MAX: variants seen among roughly 807,000 people sequenced by gnomAD.
MAX encodes protein max.
MAX carries 3 observed loss-of-function variants against 22.3 expected under a neutral mutation model. The ratio of observed to expected loss-of-function variants is 0.13; its 90% CI spans 0.06 to 0.35. The LOEUF is 0.35. MAX is among the 10% of genes least tolerant of loss of function. The probability of loss-of-function intolerance (pLI) is 1.00; values close to 1 mark genes in which losing one functional copy is unlikely to be tolerated. For synonymous variants in MAX, 72 were observed against 77.7 expected (o/e 0.93, Z 0.39); for missense variants, 119 against 209.4 (o/e 0.57, Z 2.66).
At position 65,031,756 on chromosome 14, in the gene MAX, A is replaced by T; in HGVS notation, c.172-25472T>A. Among the ~76,000 whole-genome samples, 1 of 152,140 alleles carries T rather than the reference A, an allele frequency of 6.6e-6. No individual in the cohort carries two copies. The highest frequency in any genetic ancestry group is 2.4e-5 in the African/African-American group (1 of 41,464). The stretch of plus-strand genomic sequence containing the variant: ...GCCAACATGGCGAAACCCCATCTCC[A>T]CTAAAAATAGAAAAATAAGCCAGGC... On this transcript the variant is annotated intron_variant, in intron 3 of 3. Transcript: ENST00000341653. This position sits in a 1 kb window ranked among gnomAD's most constrained non-coding sequence, Gnocchi z 4.6.
chr14:65,093,681 G>T lies in MAX; in HGVS notation c.171+27C>A. On this transcript the variant is annotated intron_variant, in intron 3 of 4. Transcript: ENST00000358664. This position sits in a 1 kb window ranked among gnomAD's most constrained non-coding sequence, Gnocchi z 4.4. Reference sequence around the variant, plus strand: ...ACAAGTTCCAAGCTAGTAGTGGCCAGCTACTCAGCTTTCTCAGGAAACTCA... The same window carrying T: ...ACAAGTTCCAAGCTAGTAGTGGCCATCTACTCAGCTTTCTCAGGAAACTCA... The T allele has an allele frequency of 1.6e-6, 2 of 1,229,314 alleles. No individual in the cohort carries two copies. Among genetic ancestry groups the T allele is most frequent in the Non-Finnish European group, 1.2e-6 (1 of 828,258 alleles). 76.2% of individuals were successfully genotyped at this position (1,229,314 alleles called of 1,614,324 possible). A position where few individuals can be genotyped will look rare whatever the true frequency, so the allele number is the denominator to read the frequency against.
rs1473063753 is a variant in MAX at position 65,028,875 on chromosome 14, G to T, written c.172-22591C>A. ...TTCTGTTGCTATTCCCCCAAAATAT[G>T]CACAGTCTTGAAACGCAGCTTTTAA... On this transcript the variant is annotated intron_variant, in intron 3 of 3. Coordinates refer to the MAX transcript ENST00000341653. The surrounding 1 kb of genome is among the most constrained non-coding windows in gnomAD (Gnocchi z 4.4). Among the ~76,000 whole-genome samples, 1 of 152,078 alleles carries T rather than the reference G, an allele frequency of 6.6e-6. No homozygotes were observed. Among genetic ancestry groups the T allele is most frequent in the Non-Finnish European group, 1.5e-5 (1 of 68,014 alleles).
chr14:65,064,588 A>G (rs2062912444), intron 3 of MAX, among the ~76,000 whole-genome samples: 1 of 152,192 alleles, frequency 6.6e-6, no homozygotes, highest in African/African-American at 2.4e-5. Context: ...TCCAGCGAGT[A>G]TCATTGTGTT....
Position 65,069,624 on chromosome 14 carries a change from G to A in MAX, c.171+24084C>T, listed in dbSNP as rs1266515016. Among the ~76,000 whole-genome samples, 2 of 152,226 alleles carry A rather than the reference G, an allele frequency of 1.3e-5. No homozygotes were observed. The highest frequency in any genetic ancestry group is 4.8e-5 in the African/African-American group (2 of 41,464). ...ACCGCCCTATCAAGGGCACAGAGAT[G>A]AAGGTACATCACAAGGCTGGAGTCC... On this transcript the variant is annotated intron_variant, in intron 3 of 3. Transcript: ENST00000341653. The surrounding 1 kb of genome is among the most constrained non-coding windows in gnomAD (Gnocchi z 4.6).
rs1362347700 is a variant in MAX at position 65,078,560 on chromosome 14, C to T, written c.172-524G>A. Among the ~76,000 whole-genome samples the T allele has an allele frequency of 2.0e-5, 3 of 146,920 alleles. No individual in the cohort carries two copies. Among genetic ancestry groups the T allele is most frequent in the South Asian group, 2.2e-4 (1 of 4,576 alleles). On this transcript the variant is annotated intron_variant, in intron 3 of 4. Transcript: ENST00000358664. This position sits in a 1 kb window ranked among gnomAD's most constrained non-coding sequence, Gnocchi z 6.4. ...TTTTTTTTTTTTGGAGACGTAGTCT[C>T]GCTCTGTTGCCCAGGCTGGAGTAGA...
chr14:65,087,032 C>T (rs186960446), intron 3 of MAX, among the ~76,000 whole-genome samples: 34 of 152,304 alleles, frequency 2.2e-4, no homozygotes, highest in South Asian at 6.2e-4. Flanking sequence ...GCTCAGGTTG[C>T]GGCTTCAGAG....
intron 3 of MAX, among the ~76,000 whole-genome samples, chr14:65,052,555 C>A (rs1296105083): frequency 1.3e-5 from 2 of 152,122 alleles, no homozygotes; most frequent in Non-Finnish European, 2.9e-5. Flanking sequence ...ACTGTGTGGC[C>A]CACAGAATTC....
chr14:65,055,071 G>A (rs752981950), intron 3 of MAX, among the ~76,000 whole-genome samples: 3 of 152,356 alleles, frequency 2.0e-5, no homozygotes, highest in Admixed American at 6.5e-5. Flanking sequence ...AGCCTGCCGC[G>A]TCTCTCCCAG....
chr14:65,026,429 T>G (rs539149185), intron 3 of MAX, among the ~76,000 whole-genome samples: 2 of 152,284 alleles, frequency 1.3e-5, no homozygotes, highest in East Asian at 3.9e-4. Context: ...TGGAGAATTC[T>G]CCAAGAACCC....
Position 65,076,332 on chromosome 14 carries a change from G to A in MAX, c.*144C>T, listed in dbSNP as rs191382960. The A allele has an allele frequency of 2.0e-4, 307 of 1,514,976 alleles. 1 individual carries two copies. Among genetic ancestry groups the A allele is most frequent in the Admixed American group, 1.2e-3 (54 of 43,894 alleles). The allele number at this position is 1,514,976 out of a possible 1,614,324, so 93.8% of individuals were successfully genotyped here. A position where few individuals can be genotyped will look rare whatever the true frequency, so the allele number is the denominator to read the frequency against. Reference sequence around the variant, plus strand: ...AGAGCTGTTGTCCAAGAGCTTCTACGTAAAAATAAAAATTTAAAAAAAAAA... The same window carrying A: ...AGAGCTGTTGTCCAAGAGCTTCTACATAAAAATAAAAATTTAAAAAAAAAA... On this transcript the variant is annotated 3_prime_UTR_variant, in exon 5 of 5. Coordinates refer to ENST00000358664, the MANE Select transcript of MAX (RefSeq NM_002382.5). This position sits in a 1 kb window ranked among gnomAD's most constrained non-coding sequence, Gnocchi z 6.6.
rs913978162 is a variant in MAX, at chr14:65,028,254, C to T, written c.172-21970G>A. On this transcript the variant is annotated intron_variant, in intron 3 of 3. Transcript: ENST00000341653. The surrounding 1 kb of genome is among the most constrained non-coding windows in gnomAD (Gnocchi z 4.4). ...GGGAGGTGCAGAGAGCCTTGTGGGCCGGGAGAGTGCAGTGCAATAAAATCG... is the reference window on the plus strand; with the variant it reads ...GGGAGGTGCAGAGAGCCTTGTGGGCTGGGAGAGTGCAGTGCAATAAAATCG... Among the ~76,000 whole-genome samples, 6 of 151,970 alleles carry T rather than the reference C, an allele frequency of 3.9e-5. No homozygotes were observed. The highest frequency in any genetic ancestry group is 1.9e-4 in the East Asian group (1 of 5,192).
rs1172850352 is a variant in MAX at position 65,076,992 on chromosome 14, AGAG to A, written c.296-332_296-330del. On this transcript the variant is annotated intron_variant, in intron 4 of 4. Coordinates refer to ENST00000358664, the MANE Select transcript of MAX (RefSeq NM_002382.5). This position sits in a 1 kb window ranked among gnomAD's most constrained non-coding sequence, Gnocchi z 6.6. ...CTGTGGGATTCAGCAGTGCAATAAC[AGAG>A]GAGAAGCTGGCCCAGGAGCATGAGG... is the stretch of plus-strand genomic sequence containing the variant. 1.8e-6 allele frequency: 1 copy of A among 543,562 alleles called. No individual in the cohort carries two copies. The highest frequency in any genetic ancestry group is 3.3e-6 in the Non-Finnish European group (1 of 303,790). 33.7% of individuals were successfully genotyped at this position (543,562 alleles called of 1,614,324 possible). A position where few individuals can be genotyped will look rare whatever the true frequency, so the allele number is the denominator to read the frequency against.
chr14:65,091,424 G>A (rs1411020464), intron 3 of MAX, among the ~76,000 whole-genome samples: 1 of 152,206 alleles, frequency 6.6e-6, no homozygotes, highest in Non-Finnish European at 1.5e-5. Context: ...ATGGTATCTA[G>A]TAAATTCTCA....
In MAX at chr14:65,027,978, A is replaced by G. The variant is rs1285842367; in HGVS notation, c.172-21694T>C. ...CTCAGGTGTCATGATCACTTGACTT[A>G]TTTTATGTAAATGTGAAAATATAAG... On this transcript the variant is annotated intron_variant, in intron 3 of 3. Coordinates refer to the MAX transcript ENST00000341653. This position sits in a 1 kb window ranked among gnomAD's most constrained non-coding sequence, Gnocchi z 5.7. Among the ~76,000 whole-genome samples the G allele has an allele frequency of 6.6e-6, 1 of 152,220 alleles. No individual in the cohort carries two copies. Among genetic ancestry groups the G allele is most frequent in the African/African-American group, 2.4e-5 (1 of 41,454 alleles).
chr14:65,046,921 G>T (rs935885558), intron 3 of MAX, among the ~76,000 whole-genome samples: 1 of 151,988 alleles, frequency 6.6e-6, no homozygotes, highest in Non-Finnish European at 1.5e-5. Context: ...GACAACAAAA[G>T]TTATTTTACA....
intron 3 of MAX, chr14:65,061,165 T>A (rs180835945): frequency 1.9e-6 from 3 of 1,613,582 alleles, no homozygotes; most frequent in Non-Finnish European, 2.5e-6. Context: ...ACTGGCACCT[T>A]TTCTTCTCTT....
At chr14:65,085,337 A>G (rs1282665772) in intron 3 of MAX, among the ~76,000 whole-genome samples, 1 of 152,230 alleles carries the variant, frequency 6.6e-6, no homozygotes, top group Non-Finnish European at 1.5e-5. Flanking sequence ...GTTGTGTTAG[A>G]GGAAGGAGGG....
chr14:65,093,864 T>C lies in MAX; in HGVS notation c.64-49A>G. 2 of 1,059,060 alleles carry C rather than the reference T, an allele frequency of 1.9e-6. No individual in the cohort carries two copies. The highest frequency in any genetic ancestry group is 3.0e-6 in the Non-Finnish European group (2 of 672,976). The allele number at this position is 1,059,060 out of a possible 1,614,324, so 65.6% of individuals were successfully genotyped here. On this transcript the variant is annotated intron_variant, in intron 2 of 4. Coordinates refer to ENST00000358664, the MANE Select transcript of MAX (RefSeq NM_002382.5). This position sits in a 1 kb window ranked among gnomAD's most constrained non-coding sequence, Gnocchi z 4.4. ...CATTAGGAATGTCACTCCTTTTGCT[T>C]GGTACAAGGTGGGTGGGGTACAGCC...
chr14:65,073,415 T>C (rs959537204), downstream of MAX, among the ~76,000 whole-genome samples: 1 of 152,192 alleles, frequency 6.6e-6, no homozygotes, highest in Non-Finnish European at 1.5e-5. Flanking sequence ...TAAGAAGTTG[T>C]TGATGTTTTA....
Sources: gnomAD v4.1 joint callset for allele counts (sites outside exome capture counted in the v4.1 genomes callset) on GRCh38, gnomAD v4.1.1 for gene constraint, Gnocchi (gnomAD v3.1) non-coding constraint, MANE v1.5 for transcripts, NCBI Gene and HGNC (gene_info 2026-07-23, HGNC 2026-07-21) for gene names.